Variants in GRXCR1 observed in about 807,000 individuals in gnomAD.
GRXCR1 encodes the protein glutaredoxin and cysteine rich domain containing 1.
A neutral mutation model predicts 27.3 loss-of-function variants in GRXCR1; 27 were observed. The observed-to-expected ratio is 0.99, with a 90% CI of 0.73 to 1.37. The LOEUF (loss-of-function observed/expected upper bound fraction) is 1.37, where lower values mean the gene tolerates loss of function less well. GRXCR1 is among the 40% of genes most tolerant of loss of function. The pLI is 0.00. For missense variants in GRXCR1, 379 were observed against 354.4 expected (o/e 1.07, Z -0.56); for synonymous variants, 122 against 131.1 (o/e 0.93, Z 0.47).
intron 1 of GRXCR1, among the ~76,000 whole-genome samples, chr4:42,904,890 C>G (rs898815748): frequency 6.6e-6 from 1 of 152,118 alleles, no homozygotes; most frequent in Non-Finnish European, 1.5e-5. Flanking sequence ...TATTAAGGAA[C>G]AGAGGTGGGA....
Position 42,987,260 on chromosome 4 carries a change from TAATATATATATATATATAGAG to T in GRXCR1, c.627+24128_627+24148del, listed in dbSNP as rs1560676986. The stretch of plus-strand genomic sequence containing the variant: ...ATATATAATATATAATATATATATA[TAATATATATATATATATAGAG>T]AGAGAGAGAGAGAGAGAGAAAGAGA... On this transcript the variant is annotated intron_variant, in intron 2 of 3. Transcript: ENST00000399770. 1.7e-3 allele frequency among the ~76,000 whole-genome samples: 123 copies of T among 73,262 alleles called. 2 individuals carry two copies. The highest frequency in any genetic ancestry group is 2.2e-3 in the Non-Finnish European group (74 of 34,094). 48.1% of individuals were successfully genotyped at this position (73,262 alleles called of 152,430 possible).
chr4:43,001,814 T>A (rs976410613), intron 2 of GRXCR1, among the ~76,000 whole-genome samples: 9 of 149,120 alleles, frequency 6.0e-5, no homozygotes, highest in African/African-American at 2.2e-4. Context: ...CCTCAGTTTT[T>A]ATTGATTATT....
intron 2 of GRXCR1, among the ~76,000 whole-genome samples, chr4:42,993,323 C>G (rs1310203044): frequency 6.6e-6 from 1 of 151,894 alleles, no homozygotes; most frequent in South Asian, 2.1e-4. Context: ...TTCTTGATGC[C>G]TCTCTGCCCC....
chr4:42,893,576 G>A lies in GRXCR1; in HGVS notation c.310G>A (p.Gly104Ser). ...AAGAGTCAACATTTTAAGCAAAAAT[G>A]GCACAGTCAGAGGCGTCAAATACAA... The part of the protein sequence containing the change: ...TRRVNILSKN[G>S]TVRGVKYKVS... The change falls in exon 1 of 4, where the codon GGC becomes AGC. Residue 104 changes from glycine to serine, a missense_variant. Coordinates refer to ENST00000399770, the MANE Select transcript of GRXCR1 (RefSeq NM_001080476.3). The A allele has an allele frequency of 6.2e-7, 1 of 1,613,766 alleles. No homozygotes were observed. Among genetic ancestry groups the A allele is most frequent in the African/African-American group, 1.3e-5 (1 of 75,024 alleles).
intron 2 of GRXCR1, among the ~76,000 whole-genome samples, chr4:43,000,892 GC>G (rs1167690340): frequency 2.6e-5 from 4 of 151,904 alleles, no homozygotes; most frequent in Non-Finnish European, 5.9e-5. Flanking sequence ...TGTATTTATA[GC>G]TATAGGTGTT....
rs532737699 is a variant in GRXCR1, at chr4:42,894,720, C to T, written c.384+1070C>T. On this transcript the variant is annotated intron_variant, in intron 1 of 3. Coordinates refer to ENST00000399770, the MANE Select transcript of GRXCR1 (RefSeq NM_001080476.3). ...GTTCTTTTTAATATATGGCAATTAC[C>T]GGTAAAGAATTTTACATATTGGGGT... is the stretch of plus-strand genomic sequence containing the variant. Among the ~76,000 whole-genome samples the T allele has an allele frequency of 3.3e-5, 5 of 151,990 alleles. No individual in the cohort carries two copies. The South Asian group carries it at 6.2e-4, about 19-fold the overall frequency.
intron 1 of GRXCR1, among the ~76,000 whole-genome samples, chr4:42,952,948 A>G (rs1747918979): frequency 6.6e-6 from 1 of 152,148 alleles, no homozygotes; most frequent in Non-Finnish European, 1.5e-5. Context: ...TATGCTCACT[A>G]AGAATATTGA....
intron 2 of GRXCR1, among the ~76,000 whole-genome samples, chr4:42,995,673 A>C (rs1360290434): frequency 9.9e-5 from 15 of 152,190 alleles, no homozygotes; most frequent in Admixed American, 9.8e-4. Flanking sequence ...AGAAAGAAAA[A>C]GAAGTATATG....
At chr4:42,990,414 A>G (rs1711933376) in intron 2 of GRXCR1, among the ~76,000 whole-genome samples, 2 of 150,908 alleles carry the variant, frequency 1.3e-5, no homozygotes, top group African/African-American at 4.9e-5. Flanking sequence ...GATGGTCTCG[A>G]TCTCCTGACC....
chr4:42,903,179 A>G (rs1746502015), intron 1 of GRXCR1, among the ~76,000 whole-genome samples: 1 of 127,904 alleles, frequency 7.8e-6, no homozygotes, highest in South Asian at 3.8e-4. Context: ...CACATGTTTT[A>G]TTTAAAATAA....
At chr4:42,904,489 T>C (rs1438849497) in intron 1 of GRXCR1, among the ~76,000 whole-genome samples, 2 of 152,216 alleles carry the variant, frequency 1.3e-5, no homozygotes, top group Non-Finnish European at 2.9e-5. Flanking sequence ...ATAAGAGCAC[T>C]ATTCTCTGGA....
chr4:43,000,412 G>T lies in GRXCR1; in HGVS notation c.628-19942G>T, dbSNP rs528641982. Among the ~76,000 whole-genome samples the T allele has an allele frequency of 1.1e-4, 16 of 150,792 alleles. No homozygotes were observed. In the South Asian group the frequency reaches 2.1e-3, roughly 20 times the overall value. ...AATCGCTTGAACCAGGGACTAGGAGGTTGCAGTGAGCCAAGAATGCGCCAC... is the reference window on the plus strand; with the variant it reads ...AATCGCTTGAACCAGGGACTAGGAGTTTGCAGTGAGCCAAGAATGCGCCAC... On this transcript the variant is annotated intron_variant, in intron 2 of 3. Transcript: ENST00000399770.
At chr4:42,902,276 G>A (rs899013046) in intron 1 of GRXCR1, among the ~76,000 whole-genome samples, 1 of 152,168 alleles carries the variant, frequency 6.6e-6, no homozygotes, top group Admixed American at 6.5e-5. Flanking sequence ...AGTTAAACTA[G>A]TGGTTTTATG....
At chr4:42,895,448 A>G (rs572767302) in intron 1 of GRXCR1, among the ~76,000 whole-genome samples, 2 of 152,136 alleles carry the variant, frequency 1.3e-5, no homozygotes, top group South Asian at 4.1e-4. Flanking sequence ...TGGCAAAGTC[A>G]TCAGCCTATT....
At chr4:42,998,377 T>A (rs1393625247) in intron 2 of GRXCR1, among the ~76,000 whole-genome samples, 2 of 152,230 alleles carry the variant, frequency 1.3e-5, no homozygotes, top group Non-Finnish European at 2.9e-5. Flanking sequence ...GCCACATTTT[T>A]ATTCATGTAC....
At chr4:43,011,716 A>G (rs1712757081) in intron 2 of GRXCR1, among the ~76,000 whole-genome samples, 1 of 152,152 alleles carries the variant, frequency 6.6e-6, no homozygotes, top group Non-Finnish European at 1.5e-5. Context: ...TGAGCAACAT[A>G]TGACTTGTTA....
At chr4:42,902,907 C>T (rs944558925) in intron 1 of GRXCR1, among the ~76,000 whole-genome samples, 6 of 152,260 alleles carry the variant, frequency 3.9e-5, no homozygotes, top group African/African-American at 1.4e-4. Flanking sequence ...AAACTTTTCT[C>T]AGAAAAGGAG....
chr4:43,023,276 A>G lies in GRXCR1; in HGVS notation c.693+2857A>G, dbSNP rs537970139. Among the ~76,000 whole-genome samples the G allele has an allele frequency of 3.5e-4, 53 of 152,292 alleles. 1 individual carries two copies. In the South Asian group the frequency reaches 0.011, roughly 30 times the overall value. ...GCTGTTACTTGGGTTGCTACATGGT[A>G]GTTTATGACCACTCCTGGTCCTCAT... On this transcript the variant is annotated intron_variant, in intron 3 of 3. Coordinates refer to ENST00000399770, the MANE Select transcript of GRXCR1 (RefSeq NM_001080476.3).
rs139282734 is a variant in GRXCR1 at position 43,021,752 on chromosome 4, A to G, written c.693+1333A>G. Among the ~76,000 whole-genome samples the G allele has an allele frequency of 4.1e-3, 625 of 152,330 alleles. 6 individuals carry two copies. Among genetic ancestry groups the G allele is most frequent in the African/African-American group, 0.012 (500 of 41,582 alleles). On this transcript the variant is annotated intron_variant, in intron 3 of 3. Transcript: ENST00000399770. ...GGGAGGAGAATGCTTGGGCTTTAGC[A>G]AAATAATTTACTATGGTCTGATTCT... is the stretch of plus-strand genomic sequence containing the variant.
Sources: gnomAD v4.1 joint callset for allele counts (sites outside exome capture counted in the v4.1 genomes callset) on GRCh38, gnomAD v4.1.1 for gene constraint, MANE v1.5 for transcripts, NCBI Gene and HGNC (gene_info 2026-07-23, HGNC 2026-07-21) for gene names.